Variants in KLHL32 observed in about 807,000 individuals in gnomAD.
The protein encoded by KLHL32 is kelch like family member 32, also known as kelch-like protein 32.
In KLHL32, 35 loss-of-function variants were observed where a neutral mutation model predicts 64.8. The observed-to-expected ratio is 0.54, with a 90% CI of 0.41 to 0.72. KLHL32 has a LOEUF of 0.72. Among genes scored for constraint, KLHL32 ranks in the 30% least tolerant of loss-of-function variants. The pLI is 0.00. For missense variants in KLHL32, 589 were observed against 768.5 expected (o/e 0.77, Z 2.76); for synonymous variants, 259 against 281.0 (o/e 0.92, Z 0.78).
In KLHL32 at chr6:96,950,230, TA is replaced by T. The variant is rs35692509; in HGVS notation, c.-65-16755del. Among the ~76,000 whole-genome samples, 466 of 146,784 alleles carry T rather than the reference TA, an allele frequency of 3.2e-3. 2 individuals are homozygous for T. The highest frequency in any genetic ancestry group is 8.3e-3 in the African/African-American group (335 of 40,234). On this transcript the variant is annotated intron_variant, in intron 1 of 10. Coordinates refer to ENST00000369261, the MANE Select transcript of KLHL32 (RefSeq NM_052904.4). ...GTGTCTGAAATTTCTACATTTGTGT[TA>T]AAAAAAAAAACCATTAGCTCTCTAA...
At chr6:97,101,127 C>A (rs1360750497) in intron 6 of KLHL32, among the ~76,000 whole-genome samples, 6 of 151,962 alleles carry the variant, frequency 3.9e-5, no homozygotes, top group Admixed American at 3.9e-4. Context: ...ATTCTTGAAT[C>A]AATTCATGAA....
At chr6:97,035,179 A>T (rs1784107120) in intron 3 of KLHL32, among the ~76,000 whole-genome samples, 2 of 152,074 alleles carry the variant, frequency 1.3e-5, no homozygotes, top group South Asian at 4.1e-4. Context: ...CTGGCATAAA[A>T]TGTCTTGTAG....
chr6:96,990,450 G>C (rs149392637), intron 3 of KLHL32, among the ~76,000 whole-genome samples: 3 of 152,328 alleles, frequency 2.0e-5, no homozygotes, highest in African/African-American at 7.2e-5. Context: ...TGGCTCCTCT[G>C]TATTTCCTCT....
chr6:97,001,333 A>G (rs1779007347), intron 3 of KLHL32, among the ~76,000 whole-genome samples: 2 of 152,342 alleles, frequency 1.3e-5, no homozygotes, highest in South Asian at 4.1e-4. Context: ...AAACTGGTCT[A>G]AAACATACAT....
At chr6:97,033,195 C>G (rs1056161924) in intron 3 of KLHL32, among the ~76,000 whole-genome samples, 2 of 152,118 alleles carry the variant, frequency 1.3e-5, no homozygotes, top group African/African-American at 4.8e-5. Flanking sequence ...ATGTCTGACT[C>G]ACTGTATTAT....
the KLHL32 span, among the ~76,000 whole-genome samples, chr6:96,901,011 T>C: frequency 6.6e-6 from 1 of 152,148 alleles, no homozygotes; most frequent in South Asian, 2.1e-4. Flanking sequence ...GAGCGGGGGG[T>C]AGTGCCACAA....
chr6:97,099,311 A>G (rs947911448), intron 6 of KLHL32, among the ~76,000 whole-genome samples: 3 of 152,166 alleles, frequency 2.0e-5, no homozygotes, highest in Non-Finnish European at 4.4e-5. Context: ...TGCTTCTGCT[A>G]CCAGGCTGGG....
intron 4 of KLHL32, among the ~76,000 whole-genome samples, chr6:97,059,494 A>G (rs1478023015): frequency 6.6e-6 from 1 of 152,276 alleles, no homozygotes; most frequent in Non-Finnish European, 1.5e-5. Context: ...ACATTTCCCA[A>G]TATGATCACA....
chr6:97,004,496 A>G (rs1779420610), intron 3 of KLHL32, among the ~76,000 whole-genome samples: 1 of 152,176 alleles, frequency 6.6e-6, no homozygotes, highest in Non-Finnish European at 1.5e-5. Flanking sequence ...TGTTCTGGCT[A>G]GGACTTCCAG....
At chr6:97,095,152 T>C (rs907220789) in intron 6 of KLHL32, among the ~76,000 whole-genome samples, 1 of 152,186 alleles carries the variant, frequency 6.6e-6, no homozygotes, top group African/African-American at 2.4e-5. Context: ...AAACTAAAAC[T>C]AAACCTCTCC....
At chr6:97,060,568 C>T (rs768263680) in intron 4 of KLHL32, among the ~76,000 whole-genome samples, 22 of 152,124 alleles carry the variant, frequency 1.4e-4, no homozygotes, top group Admixed American at 1.2e-3. Flanking sequence ...CCTCTTTCAC[C>T]GGATTCTGGC....
intron 3 of KLHL32, among the ~76,000 whole-genome samples, chr6:96,985,544 C>T (rs1306746113): frequency 6.6e-6 from 1 of 152,162 alleles, no homozygotes; most frequent in Non-Finnish European, 1.5e-5. Context: ...CATATAGTCC[C>T]ATATTTCTTG....
At chr6:97,091,048 A>T (rs145317046) in intron 6 of KLHL32, among the ~76,000 whole-genome samples, 4 of 152,090 alleles carry the variant, frequency 2.6e-5, no homozygotes, top group African/African-American at 9.7e-5. Context: ...ACATAGTGAG[A>T]CCCCTGTCTC....
At chr6:97,009,940 G>A (rs1780153512) in intron 3 of KLHL32, among the ~76,000 whole-genome samples, 1 of 151,954 alleles carries the variant, frequency 6.6e-6, no homozygotes, top group Non-Finnish European at 1.5e-5. Flanking sequence ...GGACTGAGGG[G>A]CATTGTCAGT....
At chr6:96,981,704 C>G (rs554705765) in intron 3 of KLHL32, among the ~76,000 whole-genome samples, 1 of 152,202 alleles carries the variant, frequency 6.6e-6, no homozygotes, top group South Asian at 2.1e-4. Context: ...GTAAACTCCT[C>G]TCTTAACACT....
At chr6:96,904,547 A>C in the KLHL32 span, among the ~76,000 whole-genome samples, 1 of 152,168 alleles carries the variant, frequency 6.6e-6, no homozygotes, top group Non-Finnish European at 1.5e-5. Context: ...GCAAAGTCTG[A>C]ATAGTGTAAA....
the KLHL32 span, among the ~76,000 whole-genome samples, chr6:96,902,071 A>G: frequency 6.6e-6 from 1 of 152,230 alleles, no homozygotes; most frequent in Non-Finnish European, 1.5e-5. Flanking sequence ...TATTAATAAT[A>G]GAACAATTTA....
intron 5 of KLHL32, among the ~76,000 whole-genome samples, chr6:97,068,009 GACACACACACAC>G (rs60482205): frequency 2.0e-5 from 3 of 149,934 alleles, no homozygotes; most frequent in African/African-American, 7.4e-5. Context: ...ACTTCATACA[GACACACACACAC>G]ACACACACAC....
chr6:97,072,966 A>G (rs758906143), intron 5 of KLHL32, among the ~76,000 whole-genome samples: 2 of 152,204 alleles, frequency 1.3e-5, no homozygotes, highest in African/African-American at 2.4e-5. Context: ...CAGATATGGT[A>G]TCCTATATAC....
Sources: allele counts gnomAD v4.1 joint callset (sites outside exome capture counted in the v4.1 genomes callset), GRCh38; gene constraint gnomAD v4.1.1; transcripts MANE v1.5; gene names NCBI Gene and HGNC (gene_info 2026-07-23, HGNC 2026-07-21).